The following BICC1 variants were observed in gnomAD, a reference collection of about 807,000 sequenced individuals.
The protein encoded by BICC1 is protein bicaudal C homolog 1.
Under a neutral mutation model 111.0 loss-of-function variants are expected in BICC1, and 43 were observed. That is an observed-to-expected ratio of 0.39 (90% confidence interval 0.30 to 0.50). The LOEUF (loss-of-function observed/expected upper bound fraction) is 0.50, where lower values mean the gene tolerates loss of function less well. Among genes scored for constraint, BICC1 ranks in the 20% least tolerant of loss-of-function variants. The probability of loss-of-function intolerance (pLI) is 0.88; values close to 1 mark genes in which losing one functional copy is unlikely to be tolerated. For synonymous variants in BICC1, 467 were observed against 434.4 expected, an observed-to-expected ratio of 1.07 and a Z score of -0.93; for missense variants, 1,091 against 1,203.2, an observed-to-expected ratio of 0.91 and a Z score of 1.38.
chr10:58,724,375 GTGTC>G (rs1217789709), intron 3 of BICC1, among the ~76,000 whole-genome samples: 1 of 152,078 alleles, frequency 6.6e-6, no homozygotes, highest in Non-Finnish European at 1.5e-5. Context: ...AAAGAACTCT[GTGTC>G]TGTGTGTGTG....
chr10:58,582,635 G>A (rs895488315), intron 1 of BICC1, among the ~76,000 whole-genome samples: 1 of 152,180 alleles, frequency 6.6e-6, no homozygotes, highest in African/African-American at 2.4e-5. Flanking sequence ...GAGGTCAGAA[G>A]TCCAAAACAG....
chr10:58,766,430 G>A (rs188333206), intron 3 of BICC1, among the ~76,000 whole-genome samples: 14 of 152,270 alleles, frequency 9.2e-5, no homozygotes, highest in Admixed American at 3.3e-4. Context: ...GGGCGGGCAC[G>A]AGAGAAAAGC....
At chr10:58,576,371 G>A (rs1333009341) in intron 1 of BICC1, among the ~76,000 whole-genome samples, 1 of 152,142 alleles carries the variant, frequency 6.6e-6, no homozygotes, top group Non-Finnish European at 1.5e-5. Flanking sequence ...CATTCCACAT[G>A]CATACAACTA....
chr10:58,702,267 TAGC>T, intron 3 of BICC1, 124 bp downstream of exon 3: 1 of 634,512 alleles, frequency 1.6e-6, no homozygotes, highest in Non-Finnish European at 2.7e-6. Context: ...GTTTGTTAAG[TAGC>T]AGTCTTTCAG....
chr10:58,653,802 G>T (rs1000587569), intron 2 of BICC1, among the ~76,000 whole-genome samples: 10 of 146,712 alleles, frequency 6.8e-5, no homozygotes, highest in Non-Finnish European at 9.0e-5. Flanking sequence ...TCTAGCATTA[G>T]GTATATCTCC....
chr10:58,646,232 C>G (rs968970812), intron 2 of BICC1, among the ~76,000 whole-genome samples: 10 of 152,126 alleles, frequency 6.6e-5, no homozygotes, highest in African/African-American at 2.4e-4. Context: ...ATTTTGAAGG[C>G]TAACAGTTTA....
At chr10:58,659,381 C>A (rs1219781074) in intron 2 of BICC1, among the ~76,000 whole-genome samples, 3 of 152,126 alleles carry the variant, frequency 2.0e-5, no homozygotes, top group Non-Finnish European at 4.4e-5. Flanking sequence ...TACATATACA[C>A]CATGGAATAC....
At chr10:58,790,602 C>A (rs1364049843) in intron 8 of BICC1, among the ~76,000 whole-genome samples, 1 of 152,070 alleles carries the variant, frequency 6.6e-6, no homozygotes, top group Admixed American at 6.6e-5. Context: ...CCAAGGTGGG[C>A]AGATCACTTG....
intron 1 of BICC1, among the ~76,000 whole-genome samples, chr10:58,520,434 G>A (rs567150034): frequency 6.6e-6 from 1 of 152,208 alleles, no homozygotes; most frequent in Admixed American, 6.5e-5. Flanking sequence ...AGCATTGTGG[G>A]TGCTATACAT....
intron 2 of BICC1, among the ~76,000 whole-genome samples, chr10:58,673,786 C>CTTTTTTTT (rs5785337): frequency 7.2e-6 from 1 of 138,294 alleles, no homozygotes; most frequent in African/African-American, 2.7e-5. Flanking sequence ...CCACGCCCAG[C>CTTTTTTTT]TTTTTTTTTT....
chr10:58,666,695 C>T (rs1325216352), intron 2 of BICC1, among the ~76,000 whole-genome samples: 1 of 152,072 alleles, frequency 6.6e-6, no homozygotes, highest in African/African-American at 2.4e-5. Context: ...TCTTTCTTCA[C>T]CTGTTAAATG....
intron 1 of BICC1, among the ~76,000 whole-genome samples, chr10:58,591,329 T>C (rs182749142): frequency 9.4e-4 from 143 of 152,244 alleles, no homozygotes; most frequent in Non-Finnish European, 1.7e-3. Context: ...CTATGGGAAA[T>C]GTCTTAGTCC....
chr10:58,664,026 T>C (rs1431779773), intron 2 of BICC1, among the ~76,000 whole-genome samples: 2 of 152,210 alleles, frequency 1.3e-5, no homozygotes, highest in Non-Finnish European at 2.9e-5. Context: ...TGCTGTAAAA[T>C]GCACATAGAG....
At chr10:58,812,618 C>T (rs1843947567) in intron 17 of BICC1, among the ~76,000 whole-genome samples, 1 of 151,884 alleles carries the variant, frequency 6.6e-6, no homozygotes, top group South Asian at 2.1e-4. Flanking sequence ...GCTGGGATTA[C>T]AGGTACGCAC....
At chr10:58,593,804 G>T (rs1352621052) in intron 1 of BICC1, among the ~76,000 whole-genome samples, 1 of 151,996 alleles carries the variant, frequency 6.6e-6, no homozygotes, top group African/African-American at 2.4e-5. Context: ...CCAAAAACCA[G>T]AACGCCTCTT....
At chr10:58,734,685 G>T (rs1841415467) in intron 3 of BICC1, among the ~76,000 whole-genome samples, 1 of 152,160 alleles carries the variant, frequency 6.6e-6, no homozygotes, top group African/African-American at 2.4e-5. Flanking sequence ...TCTCAGTGAA[G>T]AAGCAAATGA....
chr10:58,522,546 A>T (rs1842419920), intron 1 of BICC1, among the ~76,000 whole-genome samples: 1 of 152,044 alleles, frequency 6.6e-6, no homozygotes, highest in South Asian at 2.1e-4. Flanking sequence ...TCTGGGATAC[A>T]TTCAAAGCAG....
intron 20 of BICC1, chr10:58,823,815 T>C (rs1463435629): frequency 1.0e-6 from 1 of 985,206 alleles, no homozygotes; most frequent in African/African-American, 1.7e-5. Flanking sequence ...GGGATTCATT[T>C]ATTCTTAACG....
At chr10:58,589,461 C>CT (rs35939695) in intron 1 of BICC1, among the ~76,000 whole-genome samples, 68,678 of 148,712 alleles carry the variant, frequency 0.46, 16,529 homozygotes, top group Admixed American at 0.62. Context: ...TACAGCTTTA[C>CT]TTTTTTTTTT....
Sources: gnomAD v4.1 joint callset for allele counts (sites outside exome capture counted in the v4.1 genomes callset) on GRCh38, gnomAD v4.1.1 for gene constraint, MANE v1.5 for transcripts, NCBI Gene and HGNC (gene_info 2026-07-23, HGNC 2026-07-21) for gene names.